Variants in NPAS3 observed in about 807,000 individuals in gnomAD.
NPAS3 encodes neuronal PAS domain protein 3, also known as neuronal PAS domain-containing protein 3.
Under a neutral mutation model 73.1 loss-of-function variants are expected in NPAS3, and 14 were observed. That is an observed-to-expected ratio of 0.19 (90% CI 0.13 to 0.30). NPAS3 has a LOEUF of 0.30. Ranked by LOEUF, NPAS3 falls within the 10% of genes least tolerant of loss-of-function variation. NPAS3 has a pLI of 1.00. For synonymous variants in NPAS3, 620 were observed against 541.5 expected (o/e 1.14, Z -2.01); for missense variants, 1,096 against 1,250.0 (o/e 0.88, Z 1.86).
At chr14:33,087,336 T>C (rs560336928) in intron 2 of NPAS3, among the ~76,000 whole-genome samples, 1 of 151,372 alleles carries the variant, frequency 6.6e-6, no homozygotes, top group African/African-American at 2.4e-5. Flanking sequence ...CTTGTCAGAA[T>C]GAAATTAAGC....
chr14:33,029,545 G>A (rs1453600780), intron 1 of NPAS3, among the ~76,000 whole-genome samples: 3 of 152,056 alleles, frequency 2.0e-5, no homozygotes, highest in Non-Finnish European at 4.4e-5. Flanking sequence ...AAAATATGAT[G>A]TATTATTCAT....
chr14:33,691,893 A>T (rs906493180), intron 6 of NPAS3, among the ~76,000 whole-genome samples: 1 of 152,226 alleles, frequency 6.6e-6, no homozygotes, highest in Non-Finnish European at 1.5e-5. Flanking sequence ...CTCAAAAATT[A>T]TCACCAAGGC....
intron 7 of NPAS3, among the ~76,000 whole-genome samples, chr14:33,757,854 C>G (rs530815041): frequency 6.6e-6 from 1 of 152,304 alleles, no homozygotes; most frequent in South Asian, 2.1e-4. Flanking sequence ...GACATTCATT[C>G]TTTACCCTCA....
At chr14:33,170,507 T>G (rs2045350414) in intron 2 of NPAS3, among the ~76,000 whole-genome samples, 1 of 152,206 alleles carries the variant, frequency 6.6e-6, no homozygotes, top group African/African-American at 2.4e-5. Context: ...TGACCTTTCA[T>G]TAAAGATTTC....
intron 7 of NPAS3, among the ~76,000 whole-genome samples, chr14:33,750,299 A>AATC (rs1198224128): frequency 6.6e-6 from 1 of 152,126 alleles, no homozygotes; most frequent in Non-Finnish European, 1.5e-5. Context: ...AGGTAGAAGA[A>AATC]ATCATCACTG....
At chr14:33,691,832 T>A (rs2060244517) in intron 6 of NPAS3, among the ~76,000 whole-genome samples, 1 of 152,166 alleles carries the variant, frequency 6.6e-6, no homozygotes, top group Non-Finnish European at 1.5e-5. Flanking sequence ...GGCTTTAAAA[T>A]TTTTTTAAAA....
At chr14:33,452,330 G>T (rs2049831023) in intron 4 of NPAS3, among the ~76,000 whole-genome samples, 1 of 152,130 alleles carries the variant, frequency 6.6e-6, no homozygotes, top group Admixed American at 6.5e-5. Flanking sequence ...TGTAATCATG[G>T]TGACAAACTG....
chr14:33,517,571 C>T (rs137896105), intron 4 of NPAS3, among the ~76,000 whole-genome samples: 14 of 152,140 alleles, frequency 9.2e-5, no homozygotes, highest in African/African-American at 3.1e-4. Flanking sequence ...TTCTCCCACA[C>T]CTGTAAAGCT....
intron 2 of NPAS3, among the ~76,000 whole-genome samples, chr14:33,190,391 C>A (rs947447814): frequency 1.1e-4 from 16 of 152,192 alleles, no homozygotes; most frequent in Admixed American, 1.0e-3. Flanking sequence ...AGAAACAATC[C>A]ACAATATTTG....
intron 1 of NPAS3, among the ~76,000 whole-genome samples, chr14:33,022,224 T>G (rs2039623508): frequency 6.6e-6 from 1 of 152,206 alleles, no homozygotes; most frequent in Non-Finnish European, 1.5e-5. Context: ...AGACAGAGAT[T>G]ACGAGTCAAT....
intron 3 of NPAS3, among the ~76,000 whole-genome samples, chr14:33,311,003 G>GT (rs1306051958): frequency 1.2e-4 from 19 of 152,228 alleles, no homozygotes; most frequent in African/African-American, 4.1e-4. Flanking sequence ...GGCAGGTTAG[G>GT]TTTGTGCCAC....
At chr14:33,031,465 G>A (rs1167138152) in intron 1 of NPAS3, among the ~76,000 whole-genome samples, 1 of 152,062 alleles carries the variant, frequency 6.6e-6, no homozygotes, top group Non-Finnish European at 1.5e-5. Flanking sequence ...TCCTACATTT[G>A]TAGTTGTTAA....
chr14:33,085,824 C>T (rs184545520), intron 2 of NPAS3, among the ~76,000 whole-genome samples: 35 of 152,202 alleles, frequency 2.3e-4, no homozygotes, highest in South Asian at 1.0e-3. Flanking sequence ...AGTATTATTA[C>T]GATTGAAAGT....
chr14:33,007,740 T>A (rs964929800), intron 1 of NPAS3, among the ~76,000 whole-genome samples: 1 of 152,218 alleles, frequency 6.6e-6, no homozygotes, highest in East Asian at 1.9e-4. Context: ...GGTAAAGTAT[T>A]AATATTTTGG....
intron 2 of NPAS3, among the ~76,000 whole-genome samples, chr14:33,192,841 A>T (rs2046219527): frequency 6.6e-6 from 1 of 152,224 alleles, no homozygotes; most frequent in African/African-American, 2.4e-5. Context: ...TTGAAATCTT[A>T]TCTAAAGTTT....
intron 9 of NPAS3, among the ~76,000 whole-genome samples, chr14:33,788,364 A>C (rs1319768400): frequency 6.6e-6 from 1 of 152,210 alleles, no homozygotes; most frequent in African/African-American, 2.4e-5. Flanking sequence ...GGCTGTGTGA[A>C]TGTGAAGGGT....
intron 2 of NPAS3, among the ~76,000 whole-genome samples, chr14:33,061,413 A>G (rs1240180675): frequency 6.6e-6 from 1 of 152,232 alleles, no homozygotes; most frequent in Non-Finnish European, 1.5e-5. Flanking sequence ...AAACATGTTA[A>G]ACAGACATTG....
chr14:33,142,164 TTTTTA>T (rs555331646), intron 2 of NPAS3, among the ~76,000 whole-genome samples: 22 of 150,882 alleles, frequency 1.5e-4, no homozygotes, highest in African/African-American at 4.6e-4. Context: ...CTGCTCCTAA[TTTTTA>T]TTTTATTTTA....
chr14:33,608,623 C>T (rs1324098986), intron 5 of NPAS3: 1 of 152,144 alleles, frequency 6.6e-6, no homozygotes, highest in East Asian at 1.9e-4. Flanking sequence ...TAGTGGGACC[C>T]AGTTTCCACC....
Sources: allele counts gnomAD v4.1 joint callset (sites outside exome capture counted in the v4.1 genomes callset), GRCh38; gene constraint gnomAD v4.1.1; transcripts MANE v1.5; gene names NCBI Gene and HGNC (gene_info 2026-07-23, HGNC 2026-07-21).